MAP4K1: variants seen among roughly 807,000 people sequenced by gnomAD.
MAP4K1 encodes MAPK/ERK kinase kinase kinase 1.
In MAP4K1, 35 loss-of-function variants were observed where a neutral mutation model predicts 122.8. That is an observed-to-expected ratio of 0.29 (90% CI 0.22 to 0.38). The LOEUF is 0.38. MAP4K1 is among the 10% of genes least tolerant of loss of function. MAP4K1 has a pLI of 1.00. For synonymous variants in MAP4K1, 412 were observed against 421.3 expected (o/e 0.98, Z 0.27); for missense variants, 791 against 1,072.6 (o/e 0.74, Z 3.67).
chr19:38,607,735 A>C, intron 16 of MAP4K1, 129 bp downstream of exon 16: 3 of 1,021,164 alleles, frequency 2.9e-6, no homozygotes, highest in South Asian at 2.9e-5. Context: ...ATCAGGGCTC[A>C]GGGCTCGGGG....
chr19:38,617,920 C>T lies in MAP4K1; in HGVS notation c.-25G>A, dbSNP rs199711666. 1.1e-4 allele frequency: 183 copies of T among 1,597,468 alleles called. No homozygotes were observed. The highest frequency in any genetic ancestry group is 6.8e-4 in the Admixed American group (41 of 59,990). On this transcript the variant is annotated 5_prime_UTR_variant, in exon 1 of 31. Transcript: ENST00000396857. The surrounding 1 kb of genome is among the most constrained non-coding windows in gnomAD (Gnocchi z 4.1). Reference sequence around the variant, plus strand: ...TCCCTGGGGGCCTGAGCTGGGCCTGCGCCCAGGGGCCAGCAGGGCCTCAGG... The same window carrying T: ...TCCCTGGGGGCCTGAGCTGGGCCTGTGCCCAGGGGCCAGCAGGGCCTCAGG...
chr19:38,595,927 G>C lies in MAP4K1; in HGVS notation c.2179+12C>G. The C allele has an allele frequency of 6.2e-7, 1 of 1,613,578 alleles. No individual in the cohort carries two copies. The highest frequency in any genetic ancestry group is 8.5e-7 in the Non-Finnish European group (1 of 1,179,624). On this transcript the variant is annotated intron_variant, in intron 27 of 30. Transcript: ENST00000396857. ...AGGGGTGGGGAGGAAGGGGAGGAAG[G>C]AGGGTTCTCACCATCCATCAACACC... is the stretch of plus-strand genomic sequence containing the variant.
chr19:38,600,068 G>A lies in MAP4K1; in HGVS notation c.1608+9C>T. On this transcript the variant is annotated intron_variant, in intron 21 of 30. Transcript: ENST00000396857. ...CTTGCCCTTGCCCTGGCCCGGTATG[G>A]TTCCTCACCATTTCCAGCGTGGCCT... 1 of 1,614,156 alleles carries A rather than the reference G, an allele frequency of 6.2e-7. No individual in the cohort carries two copies. Among genetic ancestry groups the A allele is most frequent in the Non-Finnish European group, 8.5e-7 (1 of 1,180,022 alleles).
In MAP4K1 at chr19:38,600,222, G is replaced by A. The variant is rs1975020195; in HGVS notation, c.1532-69C>T. 5 of 1,267,648 alleles carry A rather than the reference G, an allele frequency of 3.9e-6. No homozygotes were observed. The Admixed American group carries it at 5.2e-5, about 13-fold the overall frequency. The allele number at this position is 1,267,648 out of a possible 1,614,324, so 78.5% of individuals were successfully genotyped here. A position where few individuals can be genotyped will look rare whatever the true frequency, so the allele number is the denominator to read the frequency against. On this transcript the variant is annotated intron_variant, in intron 20 of 30. Coordinates refer to ENST00000396857, the MANE Select transcript of MAP4K1 (RefSeq NM_001042600.3). ...GGACCTCCCAGATCCCCACCTGTCT[G>A]ACCTCAAACACTGACACTCTGTCCC... is the stretch of plus-strand genomic sequence containing the variant.
chr19:38,603,478 G>C (rs1381020903), intron 19 of MAP4K1, among the ~76,000 whole-genome samples: 1 of 151,390 alleles, frequency 6.6e-6, no homozygotes, highest in African/African-American at 2.4e-5. Context: ...ATGTATATAT[G>C]TATGATTAAT....
chr19:38,616,727 C>T (rs1206019188), intron 3 of MAP4K1, among the ~76,000 whole-genome samples: 1 of 152,090 alleles, frequency 6.6e-6, no homozygotes. Context: ...ATGGTGAGAG[C>T]TTCGTTTCAA....
At chr19:38,590,319 C>A (rs374308908) in intron 30 of MAP4K1, among the ~76,000 whole-genome samples, 118,631 of 118,632 alleles carry the variant, frequency 1, 59,315 homozygotes, top group Middle Eastern at 1. Flanking sequence ...TTATTTTTTC[C>A]GGCTTAATTA....
At chr19:38,595,790 C>T in intron 27 of MAP4K1, 61 bp from the exon 28 acceptor site, 1 of 1,496,494 alleles carries the variant, frequency 6.7e-7, no homozygotes, top group Non-Finnish European at 9.2e-7. Flanking sequence ...ACTAAGGGAC[C>T]AATCCATAAA....
At chr19:38,595,844 G>C in intron 27 of MAP4K1, 95 bp downstream of exon 27, 1 of 1,502,744 alleles carries the variant, frequency 6.7e-7, no homozygotes, top group Middle Eastern at 1.7e-4. Context: ...GCCCAGAGGG[G>C]CTCAGGGGGT....
chr19:38,608,093 T>TG lies in MAP4K1; in HGVS notation c.1065+18dup. On this transcript the variant is annotated intron_variant, in intron 14 of 30. Coordinates refer to ENST00000396857, the MANE Select transcript of MAP4K1 (RefSeq NM_001042600.3). ...GGGAAGCAGGCGGTGTGGTGGGGAG[T>TG]GGGGGGACAGCATCTCACGGTGTTG... 1.3e-6 allele frequency: 2 copies of TG among 1,546,240 alleles called. No individual in the cohort carries two copies. Among genetic ancestry groups the TG allele is most frequent in the Admixed American group, 2.0e-5 (1 of 50,204 alleles).
At chr19:38,601,787 G>A (rs899279224) in intron 19 of MAP4K1, 2 of 432,782 alleles carry the variant, frequency 4.6e-6, no homozygotes, top group Admixed American at 4.5e-5. Context: ...ATCAGCATTT[G>A]TTTTTTTTAA....
At position 38,613,928 on chromosome 19, in the gene MAP4K1, A is replaced by T; in HGVS notation, c.485T>A (p.Ile162Asn). Residue 162 changes from isoleucine to asparagine, a missense_variant, in exon 8 of 31, where the codon ATT becomes AAT. Physicochemically the swap from Ile to Asn is moderately radical, Grantham distance 149. Transcript: ENST00000396857. Reference sequence around the variant, plus strand: ...GAGGCGTCTGGCCAGTGTAGCCCCAATCTGGGCCGAGATGCCAAAGTCAGC... The same window carrying T: ...GAGGCGTCTGGCCAGTGTAGCCCCATTCTGGGCCGAGATGCCAAAGTCAGC... The part of the protein sequence containing the change: ...RLADFGISAQ[I>N]GATLARRLSF... 2 of 1,613,934 alleles carry T rather than the reference A, an allele frequency of 1.2e-6. No homozygotes were observed. The highest frequency in any genetic ancestry group is 1.7e-6 in the Non-Finnish European group (2 of 1,179,960).
chr19:38,602,123 T>C (rs532118005), intron 19 of MAP4K1, among the ~76,000 whole-genome samples: 2 of 152,268 alleles, frequency 1.3e-5, no homozygotes, highest in East Asian at 3.9e-4. Flanking sequence ...TTGCCCAGGC[T>C]GGAGTGCAGT....
In MAP4K1 at chr19:38,608,129, T is replaced by C; in HGVS notation, c.1048A>G (p.Arg350Gly). Residue 350 changes from arginine to glycine, a missense_variant, in exon 14 of 31, where the codon AGA becomes GGA. This residue lies in a region of MAP4K1 where 303 missense variants were observed against 344.8 expected (regional missense o/e 0.88). Transcript: ENST00000396857. ...CATCTCACGGTGTTGGCTGGGGGTC[T>C]GGTCTCCATTCCTCGGAGCTTCCTG... Reference protein sequence around the residue: ...EFRKLRGMETRPPANTARLQP... With the variant: ...EFRKLRGMETGPPANTARLQP... 6.5e-7 allele frequency: 1 copy of C among 1,532,958 alleles called. No homozygotes were observed. The highest frequency in any genetic ancestry group is 8.8e-7 in the Non-Finnish European group (1 of 1,142,592). The allele number at this position is 1,532,958 out of a possible 1,614,324, so 95.0% of individuals were successfully genotyped here. A position where few individuals can be genotyped will look rare whatever the true frequency, so the allele number is the denominator to read the frequency against.
At position 38,600,137 on chromosome 19, in the gene MAP4K1, C is replaced by T. The variant is rs1261206289; in HGVS notation, c.1548G>A (p.Leu516=). 2 of 1,614,170 alleles carry T rather than the reference C, an allele frequency of 1.2e-6. No individual in the cohort carries two copies. Among genetic ancestry groups the T allele is most frequent in the South Asian group, 1.1e-5 (1 of 91,072 alleles). Residue 516 remains leucine, a synonymous_variant, in exon 21 of 31, where the codon CTG becomes CTA. Transcript: ENST00000396857. ...HPSTKDQHLL[L]GAEEGIFILN... ...GGATGAAGATGCCTTCCTCTGCCCC[C>T]AGGAGCAGGTGCTGGTCTGGAGGCA...
At chr19:38,596,196 G>T in intron 26 of MAP4K1, 116 bp downstream of exon 26, 1 of 1,387,036 alleles carries the variant, frequency 7.2e-7, no homozygotes, top group Non-Finnish European at 9.7e-7. Context: ...TCCCTTCTCC[G>T]CCCTTCCAGC....
At chr19:38,608,828 AACATT>A (rs1975412337) in intron 13 of MAP4K1, among the ~76,000 whole-genome samples, 1 of 137,138 alleles carries the variant, frequency 7.3e-6, no homozygotes, top group African/African-American at 2.6e-5. Context: ...AAAAAAAAAA[AACATT>A]AGCCACGCGT....
chr19:38,613,153 C>G (rs1599719445), intron 8 of MAP4K1, among the ~76,000 whole-genome samples: 1 of 151,860 alleles, frequency 6.6e-6, no homozygotes. Flanking sequence ...ACTAAAAGTA[C>G]AAAAATTAGC....
At chr19:38,600,317 C>T (rs1026793249) in intron 20 of MAP4K1, among the ~76,000 whole-genome samples, 164 bp from the exon 21 acceptor site, 9 of 152,138 alleles carry the variant, frequency 5.9e-5, no homozygotes, top group African/African-American at 1.9e-4. Context: ...AAAGCCAGAG[C>T]GGACGGTCCC....
Sources: gnomAD v4.1 joint callset for allele counts (sites outside exome capture counted in the v4.1 genomes callset) on GRCh38, gnomAD v4.1.1 for gene constraint, gnomAD v4.1.1 regional missense constraint, Gnocchi (gnomAD v3.1) non-coding constraint, MANE v1.5 for transcripts, NCBI Gene and HGNC (gene_info 2026-07-23, HGNC 2026-07-21) for gene names.